Variants in SLC17A7 observed in about 807,000 individuals in gnomAD.
SLC17A7 encodes vesicular glutamate transporter 1.
In SLC17A7, 15 loss-of-function variants were observed where a neutral mutation model predicts 59.1. The ratio of observed to expected loss-of-function variants is 0.25; its 90% CI spans 0.17 to 0.39. The LOEUF (loss-of-function observed/expected upper bound fraction) is 0.39, where lower values mean the gene tolerates loss of function less well. Among genes scored for constraint, SLC17A7 ranks in the 10% least tolerant of loss-of-function variants. SLC17A7 has a pLI of 1.00. For missense variants in SLC17A7, 499 were observed against 765.1 expected (o/e 0.65, Z 4.10); for synonymous variants, 353 against 308.9 (o/e 1.14, Z -1.50).
At chr19:49,434,562 C>T in intron 5 of SLC17A7, 40 bp downstream of exon 5, 1 of 1,569,276 alleles carries the variant, frequency 6.4e-7, no homozygotes, top group Non-Finnish European at 8.6e-7. Flanking sequence ...CCAACCCCTC[C>T]TCCCTCAGAT....
intron 9 of SLC17A7, 123 bp downstream of exon 9, chr19:49,432,396 A>G: frequency 7.5e-7 from 1 of 1,338,756 alleles, no homozygotes; most frequent in Admixed American, 2.4e-5. Context: ...GGCCCTTTGC[A>G]TAGAAAGGGA....
chr19:49,431,413 C>G lies in SLC17A7; in HGVS notation c.1186G>C (p.Gly396Arg). The change falls in exon 10 of 12, where the codon GGC (glycine) becomes CGC (arginine). Residue 396 changes from glycine (G) to arginine (R), a missense_variant. Transcript: ENST00000221485. The surrounding 1 kb of genome is among the most constrained non-coding windows in gnomAD (Gnocchi z 4.6). ...GCCACGCCCTTGGAGTGCGAGTAGC[C>G]GACCACCAACAGCAGCGTGGCTTCC... is the stretch of plus-strand genomic sequence containing the variant. ...GMEATLLLVVGYSHSKGVAIS... is the reference protein window; with the variant it reads ...GMEATLLLVVRYSHSKGVAIS... 2 of 1,614,052 alleles carry G rather than the reference C, an allele frequency of 1.2e-6. No homozygotes were observed. Among genetic ancestry groups the G allele is most frequent in the Non-Finnish European group, 1.7e-6 (2 of 1,180,008 alleles).
rs1042476822 is a variant in SLC17A7, at chr19:49,434,615, C to T, written c.624G>A (p.Thr208=). The change falls in exon 5 of 12, where the codon ACG becomes ACA. Residue 208 remains threonine, a synonymous_variant. Transcript: ENST00000221485. The part of the protein sequence containing the change: ...APPLERSRLA[T]TAFCGSYAGA... The stretch of plus-strand genomic sequence containing the variant: ...TCTTCCTCTCACCACAAAAGGCTGT[C>T]GTCGCCAGGCGACTCCGTTCTAAGG... 5.0e-6 allele frequency: 8 copies of T among 1,601,616 alleles called. No homozygotes were observed. The Admixed American group carries it at 1.1e-4, about 22-fold the overall frequency.
rs1477987133 is a variant in SLC17A7 at position 49,438,801 on chromosome 19, A to G, written c.63-2000T>C. Among the ~76,000 whole-genome samples the G allele has an allele frequency of 2.6e-5, 4 of 152,164 alleles. No homozygotes were observed. The East Asian group carries it at 7.7e-4, about 29-fold the overall frequency. ...CGGATGATATTTGACCCTGAAACTC[A>G]AGATGTGATTGCAGCCCCTGATGTG... On this transcript the variant is annotated intron_variant, in intron 1 of 11. Transcript: ENST00000221485.
intron 5 of SLC17A7, 86 bp downstream of exon 5, chr19:49,434,516 C>G (rs576251935): frequency 4.7e-6 from 6 of 1,279,624 alleles, no homozygotes; most frequent in Non-Finnish European, 6.5e-6. Context: ...TTCAGCCCCC[C>G]CAGCCCCTCC....
rs929405114 is a variant in SLC17A7 at position 49,432,036 on chromosome 19, C to T, written c.1150+483G>A. On this transcript the variant is annotated intron_variant, in intron 9 of 11. Coordinates refer to ENST00000221485, the MANE Select transcript of SLC17A7 (RefSeq NM_020309.4). ...GCTGCGGCGCGATCATAGCTCACTG[C>T]GGCCTCGCAGTTCTGGGCTCCAGCG... Among the ~76,000 whole-genome samples, 4 of 152,328 alleles carry T rather than the reference C, an allele frequency of 2.6e-5. No homozygotes were observed. The East Asian group carries it at 5.8e-4, about 22-fold the overall frequency.
At position 49,433,782 on chromosome 19, in the gene SLC17A7, G is replaced by A. The variant is rs535780422; in HGVS notation, c.811C>T (p.Arg271Cys). The change falls in exon 7 of 12, where the codon CGC becomes TGC. Residue 271 changes from arginine to cysteine, a missense_variant. Arg to Cys is a radical substitution (Grantham distance 180). This residue lies in a region of SLC17A7 where 323 missense variants were observed against 607.2 expected (regional missense o/e 0.53). Coordinates refer to ENST00000221485, the MANE Select transcript of SLC17A7 (RefSeq NM_020309.4). The surrounding 1 kb of genome is among the most constrained non-coding windows in gnomAD (Gnocchi z 5.7). The stretch of plus-strand genomic sequence containing the variant: ...CCGATGGCGTCCTCGATGTACTTGC[G>A]CTCCTCCTCCGAGATGCTGGGGTGC... ...ALHPSISEEE[R>C]KYIEDAIGES... is the part of the protein sequence containing the mutation. 2 of 1,614,074 alleles carry A rather than the reference G, an allele frequency of 1.2e-6. No individual in the cohort carries two copies. The highest frequency in any genetic ancestry group is 2.2e-5 in the East Asian group (1 of 44,864).
Position 49,433,731 on chromosome 19 carries a change from G to T in SLC17A7, c.862C>A (p.Leu288Ile), listed in dbSNP as rs779441205. The T allele has an allele frequency of 3.7e-6, 6 of 1,614,152 alleles. No homozygotes were observed. In the South Asian group the frequency reaches 6.6e-5, roughly 18 times the overall value. ...IGESAKLMNP[L>I]TKFSTPWRRF... Reference sequence around the variant, plus strand: ...CCGAAGATTTGGTCCCGGACCGTGAGGGGGTTCATGAGTTTCGCGCTCTCT... The same window carrying T: ...CCGAAGATTTGGTCCCGGACCGTGATGGGGTTCATGAGTTTCGCGCTCTCT... The change falls in exon 7 of 12, where the codon CTC becomes ATC. Residue 288 changes from leucine (L) to isoleucine (I), a missense_variant. Leu to Ile is a conservative substitution (Grantham distance 5). Around this residue, in one of 3 missense-constraint regions of SLC17A7, gnomAD observed 323 missense variants for 607.2 expected, o/e 0.53. Coordinates refer to ENST00000221485, the MANE Select transcript of SLC17A7 (RefSeq NM_020309.4). The surrounding 1 kb of genome is among the most constrained non-coding windows in gnomAD (Gnocchi z 5.7).
chr19:49,432,841 G>T lies in SLC17A7; in HGVS notation c.987C>A (p.Phe329Leu). The T allele has an allele frequency of 6.3e-7, 1 of 1,591,102 alleles. No individual in the cohort carries two copies. The highest frequency in any genetic ancestry group is 8.6e-7 in the Non-Finnish European group (1 of 1,168,508). ...YLLLISQPAY[F>L]EEVFGFEISK... is the part of the protein sequence containing the mutation. ...TGATCTCGAAGCCGAACACTTCTTC[G>T]AAGTAGGCGGGCTGGGAGATGAGCA... The change falls in exon 8 of 12, where the codon TTC (phenylalanine) becomes TTA (leucine). Residue 329 changes from phenylalanine (F) to leucine (L), a missense_variant. This residue lies in a region of SLC17A7 where 323 missense variants were observed against 607.2 expected (regional missense o/e 0.53). Coordinates refer to ENST00000221485, the MANE Select transcript of SLC17A7 (RefSeq NM_020309.4).
Position 49,433,777 on chromosome 19 carries a change from C to A in SLC17A7, c.816G>T (p.Lys272Asn). The A allele has an allele frequency of 6.2e-7, 1 of 1,614,098 alleles. No individual in the cohort carries two copies. The highest frequency in any genetic ancestry group is 8.5e-7 in the Non-Finnish European group (1 of 1,180,004). The change falls in exon 7 of 12, where the codon AAG (lysine) becomes AAT (asparagine). Residue 272 changes from lysine to asparagine, a missense_variant. Physicochemically the swap from Lys to Asn is moderately conservative, Grantham distance 94. Transcript: ENST00000221485. The surrounding 1 kb of genome is among the most constrained non-coding windows in gnomAD (Gnocchi z 5.7). ...LHPSISEEER[K>N]YIEDAIGESA... ...TCTCTCCGATGGCGTCCTCGATGTA[C>A]TTGCGCTCCTCCTCCGAGATGCTGG...
Position 49,432,849 on chromosome 19 carries a change from C to A in SLC17A7, c.979G>T (p.Ala327Ser), listed in dbSNP as rs757530276. The change falls in exon 8 of 12, where the codon GCC becomes TCC. Residue 327 changes from alanine to serine, a missense_variant. By Grantham distance (99) the Ala-to-Ser change is moderately conservative. This residue lies in a region of SLC17A7 where 323 missense variants were observed against 607.2 expected (regional missense o/e 0.53). Transcript: ENST00000221485. ...AAGCCGAACACTTCTTCGAAGTAGG[C>A]GGGCTGGGAGATGAGCAGCAGGTAG... is the stretch of plus-strand genomic sequence containing the variant. ...TFYLLLISQPAYFEEVFGFEI... is the reference protein window; with the variant it reads ...TFYLLLISQPSYFEEVFGFEI... 1.3e-6 allele frequency: 2 copies of A among 1,591,538 alleles called. No homozygotes were observed. The highest frequency in any genetic ancestry group is 2.3e-5 in the East Asian group (1 of 44,124).
In SLC17A7 at chr19:49,431,187, C is replaced by G; in HGVS notation, c.1262-45G>C. 6.3e-7 allele frequency: 1 copy of G among 1,590,640 alleles called. No individual in the cohort carries two copies. Among genetic ancestry groups the G allele is most frequent in the South Asian group, 1.1e-5 (1 of 88,386 alleles). On this transcript the variant is annotated intron_variant, in intron 10 of 11. Transcript: ENST00000221485. The surrounding 1 kb of genome is among the most constrained non-coding windows in gnomAD (Gnocchi z 4.6). Reference sequence around the variant, plus strand: ...GAAGGCGTCACACCGGAATCTCACTCGAGTGATTCCCACTGGGACGTTCTC... The same window carrying G: ...GAAGGCGTCACACCGGAATCTCACTGGAGTGATTCCCACTGGGACGTTCTC...
chr19:49,436,533 T>G lies in SLC17A7; in HGVS notation c.315+16A>C. On this transcript the variant is annotated intron_variant, in intron 2 of 11. Coordinates refer to ENST00000221485, the MANE Select transcript of SLC17A7 (RefSeq NM_020309.4). This position sits in a 1 kb window ranked among gnomAD's most constrained non-coding sequence, Gnocchi z 4.1. Reference sequence around the variant, plus strand: ...GAGCGGGGCGGGGCTCTGCAAGGGCTCAGGCCTTGAGCTACCTGCACCACC... The same window carrying G: ...GAGCGGGGCGGGGCTCTGCAAGGGCGCAGGCCTTGAGCTACCTGCACCACC... The G allele has an allele frequency of 1.9e-6, 3 of 1,610,240 alleles. No homozygotes were observed. Among genetic ancestry groups the G allele is most frequent in the Non-Finnish European group, 2.5e-6 (3 of 1,179,240 alleles).
At position 49,436,882 on chromosome 19, in the gene SLC17A7, C is replaced by G; in HGVS notation, c.63-81G>C. ...CCCAAGACCAGGATCCAGGGCAAAA[C>G]CTGCTTTTCAACATCCAGAATTCTA... On this transcript the variant is annotated intron_variant, in intron 1 of 11. Transcript: ENST00000221485. The surrounding 1 kb of genome is among the most constrained non-coding windows in gnomAD (Gnocchi z 4.1). 6.6e-7 allele frequency: 1 copy of G among 1,519,496 alleles called. No individual in the cohort carries two copies. The highest frequency in any genetic ancestry group is 8.8e-7 in the Non-Finnish European group (1 of 1,139,160). 94.1% of individuals were successfully genotyped at this position (1,519,496 alleles called of 1,614,324 possible).
rs1423561887 is a variant in SLC17A7, at chr19:49,436,590, T to C, written c.274A>G (p.Asn92Asp). ...CCCCCGCGGTGGGTCGTGCTGTTATTGACCATGGAGACGATGGCCACGCCC... is the reference window on the plus strand; with the variant it reads ...CCCCCGCGGTGGGTCGTGCTGTTATCGACCATGGAGACGATGGCCACGCCC... ...NLGVAIVSMVNNSTTHRGGHV... is the reference protein window; with the variant it reads ...NLGVAIVSMVDNSTTHRGGHV... Residue 92 changes from asparagine to aspartate, a missense_variant, in exon 2 of 12, where the codon AAT (asparagine) becomes GAT (aspartate). Physicochemically the swap from Asn to Asp is conservative, Grantham distance 23 (BLOSUM62 1). Coordinates refer to ENST00000221485, the MANE Select transcript of SLC17A7 (RefSeq NM_020309.4). This position sits in a 1 kb window ranked among gnomAD's most constrained non-coding sequence, Gnocchi z 4.1. 1 of 1,613,808 alleles carries C rather than the reference T, an allele frequency of 6.2e-7. No homozygotes were observed. Among genetic ancestry groups the C allele is most frequent in the Non-Finnish European group, 8.5e-7 (1 of 1,179,976 alleles).
intron 1 of SLC17A7, chr19:49,437,372 T>C (rs1188751520): frequency 6.4e-6 from 1 of 155,590 alleles, no homozygotes; most frequent in Non-Finnish European, 1.4e-5. Context: ...TGGCGGGTGG[T>C]GTCCTGGCAG....
chr19:49,430,569 G>A lies in SLC17A7; in HGVS notation c.1633C>T (p.His545Tyr). 6.2e-7 allele frequency: 1 copy of A among 1,609,144 alleles called. No individual in the cohort carries two copies. The highest frequency in any genetic ancestry group is 2.2e-5 in the East Asian group (1 of 44,840). Residue 545 changes from histidine to tyrosine, a missense_variant, in exon 12 of 12, where the codon CAC (histidine) becomes TAC (tyrosine). Transcript: ENST00000221485. ...GGCCTGGGGGGCTGAAATGTGCTGT[G>A]TGTGGCCCCATAGGAGGGCGGGGGT... ...PAPPPSYGAT[H>Y]STFQPPRPPP... is the part of the protein sequence containing the mutation.
intron 8 of SLC17A7, 28 bp downstream of exon 8, chr19:49,432,783 C>A: frequency 6.3e-7 from 1 of 1,587,454 alleles, no homozygotes; most frequent in South Asian, 1.1e-5. Context: ...CCCTCCGCGC[C>A]CCCCTGCCCT....
At position 49,436,949 on chromosome 19, in the gene SLC17A7, T is replaced by C; in HGVS notation, c.63-148A>G. ...TTCACCAAGAGTCCAGGTCCCTGGC[T>C]CCCTTCGCCCCCCTGATCCAGAAAT... is the stretch of plus-strand genomic sequence containing the variant. On this transcript the variant is annotated intron_variant, in intron 1 of 11. Coordinates refer to ENST00000221485, the MANE Select transcript of SLC17A7 (RefSeq NM_020309.4). This position sits in a 1 kb window ranked among gnomAD's most constrained non-coding sequence, Gnocchi z 4.1. The C allele has an allele frequency of 8.3e-7, 1 of 1,201,434 alleles. No homozygotes were observed. 74.4% of individuals were successfully genotyped at this position (1,201,434 alleles called of 1,614,324 possible). A position where few individuals can be genotyped will look rare whatever the true frequency, so the allele number is the denominator to read the frequency against.
Sources: allele counts gnomAD v4.1 joint callset (sites outside exome capture counted in the v4.1 genomes callset), GRCh38; gene constraint gnomAD v4.1.1; regional missense constraint gnomAD v4.1.1; non-coding constraint Gnocchi (gnomAD v3.1); transcripts MANE v1.5; gene names NCBI Gene and HGNC (gene_info 2026-07-23, HGNC 2026-07-21).